FKBP2: variants seen among roughly 807,000 people sequenced by gnomAD.
The protein encoded by FKBP2 is FKBP prolyl isomerase 2, also known as peptidyl-prolyl cis-trans isomerase FKBP2.
FKBP2 carries 15 observed loss-of-function variants against 19.4 expected under a neutral mutation model. That is an observed-to-expected ratio of 0.77 (90% CI 0.52 to 1.19). The LOEUF (loss-of-function observed/expected upper bound fraction) is 1.19, where lower values mean the gene tolerates loss of function less well. Among genes scored for constraint, FKBP2 ranks in the 50% most tolerant of loss-of-function variants. FKBP2 has a pLI of 0.00. For synonymous variants in FKBP2, 76 were observed against 74.8 expected (o/e 1.02, Z -0.08); for missense variants, 170 against 179.0 (o/e 0.95, Z 0.29).
At chr11:64,243,577 T>C in intron 4 of FKBP2, 80 bp downstream of exon 4, 1 of 1,543,436 alleles carries the variant, frequency 6.5e-7, no homozygotes, top group Non-Finnish European at 8.9e-7. Context: ...AGCTTTTCAT[T>C]GGTCTTCACC....
At chr11:64,242,192 A>T in intron 1 of FKBP2, 192 bp from the exon 2 acceptor site, 1 of 506,704 alleles carries the variant, frequency 2.0e-6, no homozygotes, top group Non-Finnish European at 3.3e-6. Context: ...GTCCTCGGCC[A>T]AGCCCCCTTC....
At chr11:64,243,932 C>A (rs2030732923) in intron 5 of FKBP2, 36 bp from the exon 6 acceptor site, 1 of 1,613,904 alleles carries the variant, frequency 6.2e-7, no homozygotes, top group Admixed American at 1.7e-5. Context: ...TCCCTGTGGC[C>A]CTGGTTGGCA....
At position 64,244,036 on chromosome 11, in the gene FKBP2, TGGGGA is replaced by T. The variant is rs2030743143; in HGVS notation, c.*12_*16del. The T allele has an allele frequency of 1.2e-6, 2 of 1,612,372 alleles. No individual in the cohort carries two copies. Among genetic ancestry groups the T allele is most frequent in the Non-Finnish European group, 1.7e-6 (2 of 1,179,572 alleles). On this transcript the variant is annotated 3_prime_UTR_variant, in exon 6 of 6. Transcript: ENST00000309366. ...GCGACGAACTGAGCTGTAACCAGAC[TGGGGA>T]GGGGCAGGGGGAGAGGCCCCCATCA... is the stretch of plus-strand genomic sequence containing the variant.
At chr11:64,243,565 T>G in intron 4 of FKBP2, 68 bp downstream of exon 4, 1 of 1,566,922 alleles carries the variant, frequency 6.4e-7, no homozygotes, top group Non-Finnish European at 8.8e-7. Flanking sequence ...GAAAGCTGCT[T>G]CAGCTTTTCA....
rs769130140 is a variant in FKBP2 at position 64,243,869 on chromosome 11, G to A, written c.360G>A (p.Lys120=). 6.2e-7 allele frequency: 1 copy of A among 1,614,058 alleles called. No homozygotes were observed. Among genetic ancestry groups the A allele is most frequent in the African/African-American group, 1.3e-5 (1 of 74,932 alleles). The change falls in exon 5 of 6, where the codon AAG becomes AAA. Residue 120 remains lysine (K), a synonymous_variant. Transcript: ENST00000309366. ...LGYGERGAPP[K]IPGGATLVFE... ...ATGGAGAGCGGGGAGCTCCCCCAAA[G>A]ATTCCAGGTAGTAAACCTTTTGATA...
chr11:64,243,973 G>A lies in FKBP2; in HGVS notation c.373G>A (p.Ala125Thr). The A allele has an allele frequency of 6.2e-7, 1 of 1,614,052 alleles. No homozygotes were observed. The highest frequency in any genetic ancestry group is 8.5e-7 in the Non-Finnish European group (1 of 1,179,992). The change falls in exon 6 of 6, where the codon GCA becomes ACA. Residue 125 changes from alanine to threonine, a missense_variant. Transcript: ENST00000309366. ...ACTCCCCTTCTCCCCTACAGGTGGT[G>A]CAACCCTGGTGTTCGAGGTGGAGCT... is the stretch of plus-strand genomic sequence containing the variant. ...RGAPPKIPGG[A>T]TLVFEVELLK...
intron 1 of FKBP2, 24 bp from the exon 2 acceptor site, chr11:64,242,360 G>T: frequency 6.8e-7 from 1 of 1,476,064 alleles, no homozygotes; most frequent in Non-Finnish European, 9.0e-7. Context: ...CGTTCAGTCG[G>T]TCGGTCGGGG....
intron 1 of FKBP2, 22 bp from the exon 2 acceptor site, chr11:64,242,362 C>A: frequency 1.4e-6 from 2 of 1,476,074 alleles, no homozygotes; most frequent in South Asian, 2.8e-5. Flanking sequence ...TTCAGTCGGT[C>A]GGTCGGGGTC....
Position 64,243,841 on chromosome 11 carries a change from G to A in FKBP2, c.332G>A (p.Gly111Glu), listed in dbSNP as rs757410017. 1 of 1,614,124 alleles carries A rather than the reference G, an allele frequency of 6.2e-7. No individual in the cohort carries two copies. The highest frequency in any genetic ancestry group is 1.7e-5 in the Admixed American group (1 of 60,028). ...KRKLVIPSEL[G>E]YGERGAPPKI... Reference sequence around the variant, plus strand: ...CTGTTTCTTTGTGCATCTTCAACAGGGTATGGAGAGCGGGGAGCTCCCCCA... The same window carrying A: ...CTGTTTCTTTGTGCATCTTCAACAGAGTATGGAGAGCGGGGAGCTCCCCCA... The change falls in exon 5 of 6, where the codon GGG becomes GAG. Residue 111 changes from glycine (G) to glutamate (E), a missense_variant and splice_region_variant. Physicochemically the swap from Gly to Glu is moderately conservative, Grantham distance 98. Transcript: ENST00000309366.
Position 64,243,221 on chromosome 11 carries a change from A to T in FKBP2, c.194A>T (p.Glu65Val). 6.2e-7 allele frequency: 1 copy of T among 1,613,678 alleles called. No homozygotes were observed. Among genetic ancestry groups the T allele is most frequent in the Non-Finnish European group, 8.5e-7 (1 of 1,179,960 alleles). The part of the protein sequence containing the change: ...HYTGKLEDGT[E>V]FDSSLPQNQP... The stretch of plus-strand genomic sequence containing the variant: ...CAGGGGAAGCTGGAAGATGGGACAG[A>T]GTTTGACAGCAGCCTGCCCCAGAAC... Residue 65 changes from glutamate (E) to valine (V), a missense_variant, in exon 3 of 6, where the codon GAG becomes GTG. By Grantham distance (121) the Glu-to-Val change is moderately radical. Transcript: ENST00000309366.
At chr11:64,243,777 C>G in intron 4 of FKBP2, 64 bp from the exon 5 acceptor site, 1 of 1,599,636 alleles carries the variant, frequency 6.3e-7, no homozygotes, top group Non-Finnish European at 8.6e-7. Flanking sequence ...GGAACACTCT[C>G]CCTTTGCCCA....
In FKBP2 at chr11:64,242,378, C is replaced by T; in HGVS notation, c.-4-6C>T. 1 of 1,516,252 alleles carries T rather than the reference C, an allele frequency of 6.6e-7. No individual in the cohort carries two copies. Among genetic ancestry groups the T allele is most frequent in the Non-Finnish European group, 8.8e-7 (1 of 1,135,620 alleles). 93.9% of individuals were successfully genotyped at this position (1,516,252 alleles called of 1,614,324 possible). Reference sequence around the variant, plus strand: ...TCAGTCGGTCGGTCGGGGTCTGTGCCCACAGAGACATGAGGCTGAGCTGGT... The same window carrying T: ...TCAGTCGGTCGGTCGGGGTCTGTGCTCACAGAGACATGAGGCTGAGCTGGT... On this transcript the variant is annotated splice_region_variant and splice_polypyrimidine_tract_variant and intron_variant, in intron 1 of 5. Transcript: ENST00000309366.
rs2030726636 is a variant in FKBP2 at position 64,243,867 on chromosome 11, A to G, written c.358A>G (p.Lys120Glu). 3 of 1,614,114 alleles carry G rather than the reference A, an allele frequency of 1.9e-6. No individual in the cohort carries two copies. Reference sequence around the variant, plus strand: ...GTATGGAGAGCGGGGAGCTCCCCCAAAGATTCCAGGTAGTAAACCTTTTGA... The same window carrying G: ...GTATGGAGAGCGGGGAGCTCCCCCAGAGATTCCAGGTAGTAAACCTTTTGA... ...LGYGERGAPPKIPGGATLVFE... is the reference protein window; with the variant it reads ...LGYGERGAPPEIPGGATLVFE... Residue 120 changes from lysine to glutamate, a missense_variant, in exon 5 of 6, where the codon AAG becomes GAG. Transcript: ENST00000309366.
chr11:64,241,309 A>ACGGGGCGGAGTCCTGGGACT (rs2049299169), intron 1 of FKBP2, 177 bp downstream of exon 1: 1 of 150,270 alleles, frequency 6.7e-6, no homozygotes, highest in Non-Finnish European at 1.5e-5. Flanking sequence ...CTCACGCCGC[A>ACGGGGCGGAGTCCTGGGACT]CGGGGCGGAG....
chr11:64,243,986 T>TC lies in FKBP2; in HGVS notation c.387dup (p.Glu130ArgfsTer12), dbSNP rs768489822. On this transcript the variant is annotated frameshift_variant, in exon 6 of 6. Coordinates refer to ENST00000309366, the MANE Select transcript of FKBP2 (RefSeq NM_004470.4). LOFTEE classifies it high-confidence loss of function. The stretch of plus-strand genomic sequence containing the variant: ...CCTACAGGTGGTGCAACCCTGGTGT[T>TC]CGAGGTGGAGCTGCTCAAAATAGAG... 20 of 1,613,916 alleles carry TC rather than the reference T, an allele frequency of 1.2e-5. No individual in the cohort carries two copies. The highest frequency in any genetic ancestry group is 1.3e-5 in the Non-Finnish European group (15 of 1,179,968).
intron 1 of FKBP2, chr11:64,241,556 C>G (rs2030491235): frequency 6.5e-6 from 1 of 152,730 alleles, no homozygotes; most frequent in Admixed American, 6.5e-5. Context: ...GGCTACGGCT[C>G]CGGAAAAGGG....
chr11:64,244,096 A>AAAACAAAAAC lies in FKBP2; in HGVS notation c.*77_*86dup. 2 of 1,552,298 alleles carry AAAACAAAAAC rather than the reference A, an allele frequency of 1.3e-6. No homozygotes were observed. Among genetic ancestry groups the AAAACAAAAAC allele is most frequent in the South Asian group, 2.3e-5 (2 of 86,838 alleles). On this transcript the variant is annotated 3_prime_UTR_variant, in exon 6 of 6. Transcript: ENST00000309366. ...CCAGACTGTTCCAAAAAAAAAACAAAAAACAAAAACAAACAAAAAAACACT... is the reference window on the plus strand; with the variant it reads ...CCAGACTGTTCCAAAAAAAAAACAAAAAACAAAAACAAACAAAAACAAACAAAAAAACACT...
chr11:64,243,481 G>A lies in FKBP2; in HGVS notation c.315G>A (p.Val105=). ...GMCEGEKRKL[V]IPSELGYGER... ...GTGAGGGGGAAAAGCGCAAGCTGGTGATCCCATCCGAGCTAGGTAAGAGGC... is the reference window on the plus strand; with the variant it reads ...GTGAGGGGGAAAAGCGCAAGCTGGTAATCCCATCCGAGCTAGGTAAGAGGC... The change falls in exon 4 of 6, where the codon GTG becomes GTA. Residue 105 remains valine, a synonymous_variant. Coordinates refer to ENST00000309366, the MANE Select transcript of FKBP2 (RefSeq NM_004470.4). 6.2e-7 allele frequency: 1 copy of A among 1,613,902 alleles called. No individual in the cohort carries two copies. Among genetic ancestry groups the A allele is most frequent in the African/African-American group, 1.3e-5 (1 of 75,052 alleles).
intron 1 of FKBP2, chr11:64,241,735 T>G (rs1400969208): frequency 1.3e-5 from 2 of 152,154 alleles, no homozygotes; most frequent in Non-Finnish European, 2.9e-5. Flanking sequence ...GGCCGAGAAC[T>G]CCACCGGGAG....
Sources: gnomAD v4.1 joint callset for allele counts on GRCh38, gnomAD v4.1.1 for gene constraint, MANE v1.5 for transcripts, NCBI Gene and HGNC (gene_info 2026-07-23, HGNC 2026-07-21) for gene names.